Variants in TOM1 observed in about 807,000 individuals in gnomAD.
TOM1 encodes the protein target of myb1 membrane trafficking protein, also known as target of Myb protein 1.
Under a neutral mutation model 61.3 loss-of-function variants are expected in TOM1, and 38 were observed. That is an observed-to-expected ratio of 0.62 (90% CI 0.48 to 0.81). The LOEUF (loss-of-function observed/expected upper bound fraction) is 0.81, where lower values mean the gene tolerates loss of function less well. TOM1 is among the 40% of genes least tolerant of loss of function. TOM1 has a pLI of 0.00. For missense variants in TOM1, 591 were observed against 659.6 expected, an observed-to-expected ratio of 0.90 and a Z score of 1.14; for synonymous variants, 270 against 268.8, an observed-to-expected ratio of 1.00 and a Z score of -0.04.
intron 6 of TOM1, 128 bp downstream of exon 6, chr22:35,324,042 G>T: frequency 1.7e-6 from 2 of 1,186,290 alleles, no homozygotes; most frequent in Non-Finnish European, 2.3e-6. Context: ...CACAGGGTAT[G>T]TGTGGTTCTT....
At chr22:35,345,992 C>T (rs1930479479) in intron 13 of TOM1, among the ~76,000 whole-genome samples, 2 of 152,228 alleles carry the variant, frequency 1.3e-5, no homozygotes, top group South Asian at 4.1e-4. Context: ...CTCTCGGCTG[C>T]TTCCCAGAGC....
intron 13 of TOM1, 125 bp from the exon 14 acceptor site, chr22:35,346,805 G>A (rs958204872): frequency 1.7e-5 from 15 of 897,572 alleles, no homozygotes; most frequent in African/African-American, 5.1e-5. Context: ...TGGTGGGGGC[G>A]TGCAGAGCCT....
intron 1 of TOM1, among the ~76,000 whole-genome samples, 192 bp downstream of exon 1, chr22:35,300,172 G>A (rs1925608494): frequency 1.3e-5 from 2 of 152,260 alleles, no homozygotes; most frequent in South Asian, 2.1e-4. Flanking sequence ...AGGAAGCCTT[G>A]GCTTGTGATA....
At chr22:35,314,342 G>A (rs1304381744) in intron 1 of TOM1, among the ~76,000 whole-genome samples, 4 of 151,796 alleles carry the variant, frequency 2.6e-5, no homozygotes, top group South Asian at 2.1e-4. Flanking sequence ...CTCCCACCCC[G>A]CAGAAAACCT....
At chr22:35,327,830 A>AG (rs1928474615) in intron 7 of TOM1, among the ~76,000 whole-genome samples, 1 of 152,190 alleles carries the variant, frequency 6.6e-6, no homozygotes, top group Admixed American at 6.5e-5. Context: ...GAGATGCGCC[A>AG]GCCACTGATC....
At chr22:35,338,689 A>G (rs749926182) in intron 11 of TOM1, 24 bp from the exon 12 acceptor site, 35 of 1,527,068 alleles carry the variant, frequency 2.3e-5, no homozygotes, top group African/African-American at 1.4e-4. Context: ...GCAGCATCCA[A>G]TGGCTTGGTG....
chr22:35,344,506 A>G (rs2145733778), intron 12 of TOM1: 1 of 152,394 alleles, frequency 6.6e-6, no homozygotes, highest in East Asian at 1.9e-4. Context: ...GGCAAGGACA[A>G]GGTAGCCCGT....
At chr22:35,333,842 C>G (rs1360273595) in intron 10 of TOM1, among the ~76,000 whole-genome samples, 1 of 152,112 alleles carries the variant, frequency 6.6e-6, no homozygotes, top group Non-Finnish European at 1.5e-5. Context: ...GTAGGGAGCT[C>G]GTGTATGAGA....
Position 35,330,045 on chromosome 22 carries a change from C to T in TOM1, c.766-302C>T, listed in dbSNP as rs374035810. On this transcript the variant is annotated intron_variant, in intron 7 of 14. Transcript: ENST00000449058. ...CTGTAATCCCAGCACTTTGGGAGGC[C>T]GAGGCAGGCAGATCGTGAGGTCAGG... Among the ~76,000 whole-genome samples the T allele has an allele frequency of 2.3e-3, 352 of 151,790 alleles. 1 individual carries two copies. The highest frequency in any genetic ancestry group is 3.3e-3 in the Non-Finnish European group (224 of 67,936).
chr22:35,332,106 C>T lies in TOM1; in HGVS notation c.900-875C>T, dbSNP rs73402494. Among the ~76,000 whole-genome samples, 1,289 of 152,240 alleles carry T rather than the reference C, an allele frequency of 8.5e-3. 12 individuals are homozygous for T. Among genetic ancestry groups the T allele is most frequent in the African/African-American group, 0.03 (1,233 of 41,548 alleles). On this transcript the variant is annotated intron_variant, in intron 8 of 14. Transcript: ENST00000449058. ...GTTCATTTTTTGTGTCTTTCTCCAT[C>T]AAAAGACACTCACTGATTGATTCTA...
At chr22:35,324,025 A>G (rs778870921) in intron 6 of TOM1, 111 bp downstream of exon 6, 186 of 1,315,286 alleles carry the variant, frequency 1.4e-4, no homozygotes, top group Non-Finnish European at 1.7e-4. Context: ...TCTTCCTCAC[A>G]GCAGCCCACA....
intron 12 of TOM1, chr22:35,344,449 C>A (rs133397): frequency 0.17 from 25,292 of 152,300 alleles, 2,372 homozygotes; most frequent in East Asian, 0.43. Flanking sequence ...CCCGGCCAGC[C>A]CAGCTTCCGC....
intron 10 of TOM1, among the ~76,000 whole-genome samples, chr22:35,334,023 C>T (rs773797571): frequency 1.3e-5 from 2 of 152,182 alleles, no homozygotes; most frequent in African/African-American, 4.8e-5. Flanking sequence ...TTGAAAAAAT[C>T]GACTACCCAT....
intron 12 of TOM1, among the ~76,000 whole-genome samples, chr22:35,343,778 C>A (rs1362408321): frequency 4.1e-5 from 5 of 123,202 alleles, no homozygotes; most frequent in Non-Finnish European, 7.1e-5. Flanking sequence ...TACACACCTA[C>A]ACACACCACA....
At chr22:35,343,673 TACAC>T (rs1218663472) in intron 12 of TOM1, among the ~76,000 whole-genome samples, 9 of 88,152 alleles carry the variant, frequency 1.0e-4, no homozygotes, top group Admixed American at 1.4e-4. Context: ...CACACACCCT[TACAC>T]ACACCACACC....
chr22:35,312,919 G>A (rs1926960734), intron 1 of TOM1, among the ~76,000 whole-genome samples: 1 of 152,206 alleles, frequency 6.6e-6, no homozygotes, highest in South Asian at 2.1e-4. Flanking sequence ...AGAGCGTGGA[G>A]GTGACAGTGC....
At chr22:35,304,228 A>T (rs1012413191) in intron 1 of TOM1, among the ~76,000 whole-genome samples, 1 of 152,006 alleles carries the variant, frequency 6.6e-6, no homozygotes, top group Non-Finnish European at 1.5e-5. Flanking sequence ...TTTTGAATTG[A>T]TGTCTGTCCC....
chr22:35,311,326 G>T (rs553920643), intron 1 of TOM1, among the ~76,000 whole-genome samples: 21 of 152,324 alleles, frequency 1.4e-4, no homozygotes, highest in African/African-American at 5.1e-4. Flanking sequence ...AACAGGAAAC[G>T]CAACCAGCAG....
chr22:35,301,164 C>A (rs1479394316), intron 1 of TOM1, among the ~76,000 whole-genome samples: 1 of 152,086 alleles, frequency 6.6e-6, no homozygotes, highest in Non-Finnish European at 1.5e-5. Flanking sequence ...GAGGTCAGGG[C>A]TGCAGTGAGC....
Sources: gnomAD v4.1 joint callset for allele counts (sites outside exome capture counted in the v4.1 genomes callset) on GRCh38, gnomAD v4.1.1 for gene constraint, MANE v1.5 for transcripts, NCBI Gene and HGNC (gene_info 2026-07-23, HGNC 2026-07-21) for gene names.